Variants in AUTS2 observed in about 807,000 individuals in gnomAD.
AUTS2 encodes the protein activator of transcription and developmental regulator AUTS2.
A neutral mutation model predicts 112.4 loss-of-function variants in AUTS2; 17 were observed. The observed-to-expected ratio is 0.15, with a 90% CI of 0.10 to 0.23. The LOEUF (loss-of-function observed/expected upper bound fraction) is 0.23, where lower values mean the gene tolerates loss of function less well. AUTS2 is among the 10% of genes least tolerant of loss of function. AUTS2 has a pLI of 1.00. For synonymous variants in AUTS2, 751 were observed against 702.7 expected, an observed-to-expected ratio of 1.07 and a Z score of -1.09; for missense variants, 1,510 against 1,701.6, an observed-to-expected ratio of 0.89 and a Z score of 1.98.
intron 1 of AUTS2, among the ~76,000 whole-genome samples, chr7:69,659,583 G>GTTTTTTTTTTTTTTTTTTTTTTTTTTT (rs58289887): frequency 1.2e-5 from 1 of 81,268 alleles, no homozygotes; most frequent in Non-Finnish European, 2.2e-5. Context: ...AGGCTTAGTT[G>GTTTTTTTTTTTTTTTTTTTTTTTTTTT]TTTTTTTTTT....
At chr7:69,803,536 A>AG (rs1790175873) in intron 1 of AUTS2, among the ~76,000 whole-genome samples, 1 of 151,482 alleles carries the variant, frequency 6.6e-6, no homozygotes, top group Admixed American at 6.6e-5. Flanking sequence ...GGAAAAAAAA[A>AG]AAGTCCTTGT....
chr7:70,571,218 G>T (rs1801924314), intron 5 of AUTS2, among the ~76,000 whole-genome samples: 1 of 152,146 alleles, frequency 6.6e-6, no homozygotes, highest in South Asian at 2.1e-4. Context: ...GAGATTGAAG[G>T]CTCGCTAGAA....
intron 2 of AUTS2, among the ~76,000 whole-genome samples, chr7:70,073,004 T>C (rs957601280): frequency 2.8e-5 from 4 of 141,604 alleles, no homozygotes; most frequent in Non-Finnish European, 6.1e-5. Context: ...GCCAGCTTTC[T>C]TGCTTTCTCC....
intron 2 of AUTS2, among the ~76,000 whole-genome samples, chr7:69,919,907 C>T (rs988479425): frequency 1.3e-5 from 2 of 152,170 alleles, no homozygotes; most frequent in African/African-American, 2.4e-5. Context: ...TAATGACTCA[C>T]TTTGGTAAAA....
chr7:69,859,938 T>C (rs1375709124), intron 1 of AUTS2, among the ~76,000 whole-genome samples: 3 of 152,130 alleles, frequency 2.0e-5, no homozygotes, highest in Admixed American at 2.0e-4. Flanking sequence ...GGTAGACAGG[T>C]AGCAGAGTGA....
At chr7:69,867,038 C>T (rs1458960076) in intron 1 of AUTS2, among the ~76,000 whole-genome samples, 1 of 152,204 alleles carries the variant, frequency 6.6e-6, no homozygotes, top group African/African-American at 2.4e-5. Context: ...GGTCTTCTGC[C>T]AGCTTCAGCC....
chr7:70,050,965 A>T (rs187497969), intron 2 of AUTS2, among the ~76,000 whole-genome samples: 1 of 152,340 alleles, frequency 6.6e-6, no homozygotes, highest in Non-Finnish European at 1.5e-5. Flanking sequence ...ACTGCACTCC[A>T]GCCTGGGCGA....
chr7:70,621,602 A>C (rs1471902433), intron 5 of AUTS2, among the ~76,000 whole-genome samples: 1 of 152,142 alleles, frequency 6.6e-6, no homozygotes, highest in Non-Finnish European at 1.5e-5. Context: ...GGAGGGTAGG[A>C]GGTAAGGAAC....
At chr7:70,614,354 C>T (rs1804245111) in intron 5 of AUTS2, among the ~76,000 whole-genome samples, 1 of 152,112 alleles carries the variant, frequency 6.6e-6, no homozygotes, top group African/African-American at 2.4e-5. Context: ...CATGACAACG[C>T]CTTGGATGTG....
intron 5 of AUTS2, among the ~76,000 whole-genome samples, chr7:70,490,835 C>T (rs976092176): frequency 2.0e-5 from 3 of 152,200 alleles, no homozygotes; most frequent in African/African-American, 7.2e-5. Flanking sequence ...ATGATATCAT[C>T]CTTTCCACAG....
chr7:70,523,678 G>T (rs932765969), intron 5 of AUTS2, among the ~76,000 whole-genome samples: 1 of 152,148 alleles, frequency 6.6e-6, no homozygotes, highest in Admixed American at 6.5e-5. Context: ...GCAGTGCAGC[G>T]CACTCTGGTT....
intron 2 of AUTS2, among the ~76,000 whole-genome samples, chr7:70,088,077 A>C (rs1803704251): frequency 6.6e-6 from 1 of 150,450 alleles, no homozygotes. Flanking sequence ...GAGGTCTGTA[A>C]GTTTTATCGG....
chr7:70,132,556 G>A (rs2129574712), intron 3 of AUTS2, among the ~76,000 whole-genome samples: 1 of 152,314 alleles, frequency 6.6e-6, no homozygotes, highest in South Asian at 2.1e-4. Flanking sequence ...GTAATTTGAT[G>A]TTGACATCAG....
intron 2 of AUTS2, among the ~76,000 whole-genome samples, chr7:69,959,127 T>C (rs951985809): frequency 6.6e-6 from 1 of 152,166 alleles, no homozygotes; most frequent in Non-Finnish European, 1.5e-5. Flanking sequence ...CAGCACCTAT[T>C]ATGGCAGTTG....
intron 6 of AUTS2, among the ~76,000 whole-genome samples, chr7:70,722,328 A>AT (rs1432739503): frequency 2.6e-5 from 4 of 151,994 alleles, no homozygotes; most frequent in African/African-American, 7.2e-5. Flanking sequence ...GTTTGCTTAG[A>AT]TTTTTTGTGG....
chr7:70,731,578 C>T (rs533283524), intron 6 of AUTS2, among the ~76,000 whole-genome samples: 28 of 151,534 alleles, frequency 1.8e-4, no homozygotes, highest in East Asian at 9.7e-4. Context: ...TACAGGTGCC[C>T]GCCACCATGC....
intron 3 of AUTS2, among the ~76,000 whole-genome samples, chr7:70,126,647 A>G (rs1805985465): frequency 6.6e-6 from 1 of 152,204 alleles, no homozygotes; most frequent in African/African-American, 2.4e-5. Context: ...CTTAAACAGA[A>G]TTTTGTAACT....
intron 6 of AUTS2, among the ~76,000 whole-genome samples, chr7:70,750,190 C>T (rs1788714195): frequency 6.6e-6 from 1 of 152,044 alleles, no homozygotes; most frequent in African/African-American, 2.4e-5. Context: ...GCTACCTGGA[C>T]CCTGATGAGA....
At chr7:69,771,251 G>A (rs544132476) in intron 1 of AUTS2, among the ~76,000 whole-genome samples, 24 of 152,264 alleles carry the variant, frequency 1.6e-4, no homozygotes, top group African/African-American at 5.5e-4. Flanking sequence ...CCTTTCCATT[G>A]ACCTACTTTC....
Sources: gnomAD v4.1 joint callset for allele counts (sites outside exome capture counted in the v4.1 genomes callset) on GRCh38, gnomAD v4.1.1 for gene constraint, MANE v1.5 for transcripts, NCBI Gene and HGNC (gene_info 2026-07-23, HGNC 2026-07-21) for gene names.